LIPI: variants seen among roughly 807,000 people sequenced by gnomAD.
LIPI encodes the protein lipase member I.
Under a neutral mutation model 50.6 loss-of-function variants are expected in LIPI, and 59 were observed. The ratio of observed to expected loss-of-function variants is 1.16; its 90% CI spans 0.94 to 1.45. The LOEUF (loss-of-function observed/expected upper bound fraction) is 1.45, where lower values mean the gene tolerates loss of function less well. Ranked by LOEUF, LIPI falls within the 40% of genes most tolerant of loss-of-function variation. The probability of loss-of-function intolerance (pLI) is 0.00; values close to 1 mark genes in which losing one functional copy is unlikely to be tolerated. For missense variants in LIPI, 586 were observed against 536.3 expected, an observed-to-expected ratio of 1.09 and a Z score of -0.92; for synonymous variants, 203 against 178.2, an observed-to-expected ratio of 1.14 and a Z score of -1.11.
intron 1 of LIPI, among the ~76,000 whole-genome samples, chr21:14,196,144 A>T (rs1375058321): frequency 7.4e-6 from 1 of 134,430 alleles, no homozygotes; most frequent in Non-Finnish European, 1.6e-5. Flanking sequence ...TTTTTACATG[A>T]CACCAAATTG....
intron 8 of LIPI, among the ~76,000 whole-genome samples, chr21:14,149,817 T>C (rs1335477104): frequency 2.6e-5 from 4 of 152,164 alleles, no homozygotes; most frequent in African/African-American, 7.2e-5. Flanking sequence ...TGAGCTCCCA[T>C]AGCTTTAGGC....
rs551783733 is a variant in LIPI at position 14,178,400 on chromosome 21, T to G, written c.643+3358A>C. The stretch of plus-strand genomic sequence containing the variant: ...TATATTGTCTATTCTTTGGTACCCA[T>G]TTGCTTCAGTCTAGAAATTTACTTT... On this transcript the variant is annotated intron_variant, in intron 4 of 9. Coordinates refer to ENST00000681601, the MANE Select transcript of LIPI (RefSeq NM_001302998.2). Among the ~76,000 whole-genome samples the G allele has an allele frequency of 8.5e-5, 13 of 152,250 alleles. 1 individual carries two copies. The South Asian group carries it at 2.7e-3, about 32-fold the overall frequency.
chr21:14,114,606 T>A (rs2016551444), intron 9 of LIPI, among the ~76,000 whole-genome samples: 1 of 152,068 alleles, frequency 6.6e-6, no homozygotes, highest in Non-Finnish European at 1.5e-5. Context: ...AACTTCAACA[T>A]GTAGGGAAGA....
chr21:14,197,908 T>G (rs1219309906), intron 1 of LIPI, among the ~76,000 whole-genome samples: 2 of 151,556 alleles, frequency 1.3e-5, no homozygotes, highest in Non-Finnish European at 2.9e-5. Context: ...GCCATCAGAC[T>G]AACAGAGCAC....
intron 9 of LIPI, among the ~76,000 whole-genome samples, chr21:14,123,971 C>A (rs781669675): frequency 6.6e-6 from 1 of 152,124 alleles, no homozygotes; most frequent in African/African-American, 2.4e-5. Flanking sequence ...TGCCAGAATG[C>A]GGAGGTTGGC....
chr21:14,191,388 A>G (rs2019670916), intron 1 of LIPI, among the ~76,000 whole-genome samples: 1 of 151,760 alleles, frequency 6.6e-6, no homozygotes, highest in African/African-American at 2.4e-5. Flanking sequence ...AAAAAAAAAA[A>G]AAAAAGAAAA....
At chr21:14,134,041 C>T (rs114300579) in intron 9 of LIPI, among the ~76,000 whole-genome samples, 4,147 of 152,052 alleles carry the variant, frequency 0.027, 181 homozygotes, top group African/African-American at 0.091. Flanking sequence ...GCCTGGGCAA[C>T]ATAGGGACAA....
chr21:14,182,667 G>T (rs1035710605), intron 3 of LIPI, among the ~76,000 whole-genome samples: 5 of 151,518 alleles, frequency 3.3e-5, no homozygotes, highest in Admixed American at 3.3e-4. Context: ...GGATGTGAAG[G>T]ACCTCTTCAA....
At chr21:14,138,215 A>G (rs1017923453) in intron 9 of LIPI, among the ~76,000 whole-genome samples, 4 of 152,150 alleles carry the variant, frequency 2.6e-5, no homozygotes, top group African/African-American at 9.6e-5. Context: ...AAATAAAAAT[A>G]AAGATTAAAA....
chr21:14,204,543 TA>T (rs2020172512), intron 1 of LIPI, among the ~76,000 whole-genome samples: 1 of 151,810 alleles, frequency 6.6e-6, no homozygotes, highest in Non-Finnish European at 1.5e-5. Flanking sequence ...ATAAGAAAAA[TA>T]AATGACATTT....
chr21:14,148,114 A>G (rs1359705132), intron 8 of LIPI, among the ~76,000 whole-genome samples: 1 of 152,160 alleles, frequency 6.6e-6, no homozygotes, highest in Admixed American at 6.6e-5. Flanking sequence ...AAAAATCAGG[A>G]TGCAGAACAC....
chr21:14,119,252 T>C (rs1292448553), intron 9 of LIPI, among the ~76,000 whole-genome samples: 4 of 152,186 alleles, frequency 2.6e-5, no homozygotes, highest in African/African-American at 9.6e-5. Flanking sequence ...CCATGTATCT[T>C]ACTGCCATAC....
At chr21:14,136,059 T>C (rs1166837056) in intron 9 of LIPI, among the ~76,000 whole-genome samples, 3 of 152,136 alleles carry the variant, frequency 2.0e-5, no homozygotes, top group Non-Finnish European at 2.9e-5. Flanking sequence ...TTTCTAGACA[T>C]GCCCTGGCCC....
At chr21:14,117,765 G>A (rs551696856) in intron 9 of LIPI, among the ~76,000 whole-genome samples, 1 of 152,146 alleles carries the variant, frequency 6.6e-6, no homozygotes, top group Non-Finnish European at 1.5e-5. Flanking sequence ...AGTTGCAGAG[G>A]CTGGAGGGGT....
chr21:14,176,861 C>T (rs953492387), intron 4 of LIPI, among the ~76,000 whole-genome samples: 1 of 151,732 alleles, frequency 6.6e-6, no homozygotes, highest in African/African-American at 2.4e-5. Context: ...CATATGTATA[C>T]ATGTGCCATG....
chr21:14,168,744 C>T (rs1273151814), intron 4 of LIPI, among the ~76,000 whole-genome samples: 1 of 152,156 alleles, frequency 6.6e-6, no homozygotes, highest in Non-Finnish European at 1.5e-5. Flanking sequence ...AAAACCGGTA[C>T]CAGCCACTGC....
intron 7 of LIPI, among the ~76,000 whole-genome samples, chr21:14,160,627 C>A (rs867104848): frequency 9.9e-5 from 15 of 151,292 alleles, no homozygotes; most frequent in Admixed American, 2.6e-4. Context: ...GTGATACATA[C>A]CTAAAATAAT....
chr21:14,178,707 G>A (rs187379803), intron 4 of LIPI, among the ~76,000 whole-genome samples: 2 of 152,184 alleles, frequency 1.3e-5, no homozygotes, highest in Admixed American at 1.3e-4. Context: ...ATATCTGGAG[G>A]CCTATGGGTG....
intron 9 of LIPI, among the ~76,000 whole-genome samples, chr21:14,124,994 GA>G (rs35608622): frequency 0.13 from 19,586 of 146,416 alleles, 1,642 homozygotes; most frequent in East Asian, 0.42. Context: ...ACTCCACCTC[GA>G]AAAAAAAAAA....
Sources: allele counts gnomAD v4.1 joint callset (sites outside exome capture counted in the v4.1 genomes callset), GRCh38; gene constraint gnomAD v4.1.1; transcripts MANE v1.5; gene names NCBI Gene and HGNC (gene_info 2026-07-23, HGNC 2026-07-21).